Variants in SLIT3 observed in about 807,000 individuals in gnomAD.
SLIT3 encodes slit homolog 3 protein.
A neutral mutation model predicts 184.0 loss-of-function variants in SLIT3; 68 were observed. That is an observed-to-expected ratio of 0.37 (90% CI 0.30 to 0.45). SLIT3 has a LOEUF of 0.45. SLIT3 is among the 20% of genes least tolerant of loss of function. The pLI is 1.00. For missense variants in SLIT3, 1,707 were observed against 2,026.0 expected (o/e 0.84, Z 3.02); for synonymous variants, 831 against 828.6 (o/e 1.00, Z -0.05).
At chr5:169,096,503 T>C (rs1340584744) in intron 4 of SLIT3, among the ~76,000 whole-genome samples, 3 of 152,238 alleles carry the variant, frequency 2.0e-5, no homozygotes, top group Non-Finnish European at 4.4e-5. Flanking sequence ...AAAGCAGCCA[T>C]AGATATGTAA....
At chr5:169,138,630 T>C (rs889477389) in intron 4 of SLIT3, among the ~76,000 whole-genome samples, 17 of 152,214 alleles carry the variant, frequency 1.1e-4, no homozygotes, top group African/African-American at 3.9e-4. Flanking sequence ...TGGCACATGT[T>C]AAGTTCCCAC....
intron 4 of SLIT3, among the ~76,000 whole-genome samples, chr5:169,122,129 A>T (rs781767225): frequency 1.3e-5 from 2 of 152,204 alleles, no homozygotes; most frequent in Non-Finnish European, 2.9e-5. Context: ...ATTCCATTTC[A>T]CTAGGGCCTA....
chr5:168,919,942 A>G (rs1761582983), intron 4 of SLIT3, among the ~76,000 whole-genome samples: 1 of 152,160 alleles, frequency 6.6e-6, no homozygotes, highest in Non-Finnish European at 1.5e-5. Flanking sequence ...CTATTCTAGT[A>G]CCTTCCTCTG....
At chr5:168,897,646 G>GCGCGCACACACACACACACACACACA in intron 4 of SLIT3, among the ~76,000 whole-genome samples, 54 of 105,444 alleles carry the variant, frequency 5.1e-4, no homozygotes, top group African/African-American at 1.9e-3. Context: ...ACAGGTGCAC[G>GCGCGCACACACACACACACACACACA]TACACACACA....
chr5:169,202,723 C>T (rs941823454), intron 3 of SLIT3, among the ~76,000 whole-genome samples: 1 of 152,060 alleles, frequency 6.6e-6, no homozygotes, highest in African/African-American at 2.4e-5. Flanking sequence ...GGAGCTTGGT[C>T]AGGATCACAT....
At chr5:168,670,123 G>T in intron 34 of SLIT3, 132 bp from the exon 35 acceptor site, 1 of 721,570 alleles carries the variant, frequency 1.4e-6, no homozygotes, top group South Asian at 1.7e-5. Flanking sequence ...CTGTTTCCTA[G>T]GCTGAGCATC....
intron 4 of SLIT3, among the ~76,000 whole-genome samples, chr5:168,931,995 A>G (rs1051077179): frequency 2.0e-5 from 3 of 152,082 alleles, no homozygotes; most frequent in Admixed American, 6.6e-5. Context: ...TCTGTAGTGA[A>G]CCCTGACTCT....
chr5:169,193,093 G>A (rs986461640), intron 4 of SLIT3, among the ~76,000 whole-genome samples: 1 of 152,146 alleles, frequency 6.6e-6, no homozygotes, highest in Non-Finnish European at 1.5e-5. Flanking sequence ...TGCCATGTTC[G>A]GTCCAAACCG....
At chr5:169,125,507 C>A (rs1761047560) in intron 4 of SLIT3, among the ~76,000 whole-genome samples, 1 of 152,142 alleles carries the variant, frequency 6.6e-6, no homozygotes, top group South Asian at 2.1e-4. Flanking sequence ...AAAATATATC[C>A]AGGGGAGCTT....
intron 4 of SLIT3, among the ~76,000 whole-genome samples, chr5:169,174,715 T>C (rs1762919948): frequency 6.6e-6 from 1 of 151,992 alleles, no homozygotes; most frequent in Non-Finnish European, 1.5e-5. Context: ...TGTCACAATC[T>C]ATGAAAAATC....
intron 3 of SLIT3, among the ~76,000 whole-genome samples, chr5:169,229,641 C>CT (rs1399657021): frequency 1.0e-5 from 1 of 97,720 alleles, no homozygotes; most frequent in Non-Finnish European, 2.2e-5. Flanking sequence ...CAAATAAATT[C>CT]TTCTCTCTCT....
intron 11 of SLIT3, 33 bp from the exon 12 acceptor site, chr5:168,786,011 G>C (rs752366708): frequency 3.5e-5 from 51 of 1,468,758 alleles, no homozygotes; most frequent in Non-Finnish European, 4.8e-5. Context: ...AGCAATCACT[G>C]TGGATGTGAG....
chr5:169,082,921 C>T (rs1026150912), intron 4 of SLIT3, among the ~76,000 whole-genome samples: 1 of 152,184 alleles, frequency 6.6e-6, no homozygotes, highest in African/African-American at 2.4e-5. Context: ...CTCAGCAGTT[C>T]AATACAGGGC....
intron 4 of SLIT3, among the ~76,000 whole-genome samples, chr5:168,898,241 A>G (rs1760751700): frequency 6.6e-6 from 1 of 152,136 alleles, no homozygotes; most frequent in African/African-American, 2.4e-5. Flanking sequence ...TGATCATAAG[A>G]GGGCCTGACA....
chr5:169,288,938 C>G (rs4339366), intron 1 of SLIT3, among the ~76,000 whole-genome samples: 3 of 152,024 alleles, frequency 2.0e-5, no homozygotes, highest in Admixed American at 6.6e-5. Flanking sequence ...AAAATATACC[C>G]TGATCGTCTT....
chr5:169,077,470 C>T (rs761786702), intron 4 of SLIT3, among the ~76,000 whole-genome samples: 11 of 150,318 alleles, frequency 7.3e-5, no homozygotes, highest in South Asian at 2.1e-4. Context: ...ACTCAGAGGG[C>T]GGAGGTTGCA....
At position 168,850,895 on chromosome 5, in the gene SLIT3, A is replaced by G. The variant is rs189372925; in HGVS notation, c.486-6240T>C. Among the ~76,000 whole-genome samples, 15 of 152,356 alleles carry G rather than the reference A, an allele frequency of 9.8e-5. No homozygotes were observed. The East Asian group carries it at 2.3e-3, about 23-fold the overall frequency. On this transcript the variant is annotated intron_variant, in intron 5 of 35. Coordinates refer to ENST00000519560, the MANE Select transcript of SLIT3 (RefSeq NM_003062.4). ...AGGCACACCAGACCTTGGAGAATAA[A>G]GAGGTGTTTTACACATCGCTGGGAA...
chr5:169,182,085 GT>G (rs1191358603), intron 4 of SLIT3, among the ~76,000 whole-genome samples: 2 of 152,198 alleles, frequency 1.3e-5, no homozygotes, highest in Non-Finnish European at 2.9e-5. Context: ...CGTGGGGAGA[GT>G]TTTTGGCTAC....
chr5:169,013,881 A>G (rs1174653180), intron 4 of SLIT3, among the ~76,000 whole-genome samples: 15 of 152,196 alleles, frequency 9.9e-5, no homozygotes, highest in African/African-American at 3.6e-4. Context: ...ATAGATCTGC[A>G]TACTTGCTCT....
Sources: gnomAD v4.1 joint callset for allele counts (sites outside exome capture counted in the v4.1 genomes callset) on GRCh38, gnomAD v4.1.1 for gene constraint, MANE v1.5 for transcripts, NCBI Gene and HGNC (gene_info 2026-07-23, HGNC 2026-07-21) for gene names.